PRDM5: variants seen among roughly 807,000 people sequenced by gnomAD.
The protein encoded by PRDM5 is PR/SET domain 5.
Under a neutral mutation model 81.2 loss-of-function variants are expected in PRDM5, and 56 were observed. That is an observed-to-expected ratio of 0.69 (90% confidence interval 0.56 to 0.86). PRDM5 has a LOEUF of 0.86. Ranked by LOEUF, PRDM5 falls within the 40% of genes least tolerant of loss-of-function variation. PRDM5 has a pLI of 0.00. For synonymous variants in PRDM5, 267 were observed against 256.4 expected, an observed-to-expected ratio of 1.04 and a Z score of -0.39; for missense variants, 697 against 770.1, an observed-to-expected ratio of 0.91 and a Z score of 1.12.
At chr4:120,690,739 G>C (rs1578552896), downstream of PRDM5, among the ~76,000 whole-genome samples, 1 of 151,950 alleles carries the variant, frequency 6.6e-6, no homozygotes, top group African/African-American at 2.4e-5. Flanking sequence ...GATATTTTTT[G>C]AATTTTTTAA....
chr4:120,922,616 G>C lies in PRDM5; in HGVS notation c.-8C>G, dbSNP rs1725112986. 6.3e-7 allele frequency: 1 copy of C among 1,583,222 alleles called. No homozygotes were observed. The highest frequency in any genetic ancestry group is 8.6e-7 in the Non-Finnish European group (1 of 1,166,856). On this transcript the variant is annotated 5_prime_UTR_variant, in exon 1 of 16. Coordinates refer to ENST00000264808, the MANE Select transcript of PRDM5 (RefSeq NM_018699.4). The stretch of plus-strand genomic sequence containing the variant: ...CACGTACATGCCCAGCATTTTCCCG[G>C]GCGCGGCGGCCGCCGCCTCTCTCAA...
chr4:120,891,885 C>T (rs973007833), intron 2 of PRDM5, among the ~76,000 whole-genome samples: 2 of 152,180 alleles, frequency 1.3e-5, no homozygotes, highest in Non-Finnish European at 2.9e-5. Context: ...CTGCCTCGGT[C>T]TCCCAAAGTA....
At chr4:120,917,811 G>A (rs1447736474) in intron 1 of PRDM5, among the ~76,000 whole-genome samples, 2 of 151,954 alleles carry the variant, frequency 1.3e-5, no homozygotes, top group Non-Finnish European at 2.9e-5. Context: ...TTAAAAGTGT[G>A]CATGTGTTTG....
chr4:120,869,416 A>G (rs1202661084), intron 2 of PRDM5, among the ~76,000 whole-genome samples: 1 of 152,224 alleles, frequency 6.6e-6, no homozygotes, highest in African/African-American at 2.4e-5. Context: ...TACAATACCT[A>G]ACTTTTAAAA....
At chr4:120,873,480 T>C (rs1438883806) in intron 2 of PRDM5, among the ~76,000 whole-genome samples, 3 of 152,360 alleles carry the variant, frequency 2.0e-5, no homozygotes, top group Non-Finnish European at 4.4e-5. Context: ...CGGCTATAAG[T>C]GGCCAACTAT....
chr4:120,884,464 C>CATTA (rs1423404720), intron 2 of PRDM5, among the ~76,000 whole-genome samples: 7 of 152,238 alleles, frequency 4.6e-5, no homozygotes, highest in African/African-American at 1.2e-4. Context: ...AAAACACTTT[C>CATTA]ATTAAGTATG....
chr4:120,850,160 G>A (rs1759101115), intron 3 of PRDM5, among the ~76,000 whole-genome samples: 1 of 151,944 alleles, frequency 6.6e-6, no homozygotes, highest in Non-Finnish European at 1.5e-5. Context: ...AAGTATTGAC[G>A]TTTTCCACCG....
chr4:120,896,991 G>GTT (rs796413674), intron 2 of PRDM5: 67 of 138,804 alleles, frequency 4.8e-4, no homozygotes, highest in African/African-American at 7.1e-4. Context: ...CCTTCCTATA[G>GTT]TTTTTTTTTT....
At chr4:120,873,959 GT>G (rs896483815) in intron 2 of PRDM5, among the ~76,000 whole-genome samples, 6 of 151,964 alleles carry the variant, frequency 3.9e-5, no homozygotes, top group African/African-American at 9.7e-5. Flanking sequence ...TGTTTATCCA[GT>G]TTTTTTATTT....
exon 2 of PRDM5, chr4:120,684,978 C>A (rs972499621): frequency 6.6e-6 from 1 of 151,874 alleles, no homozygotes; most frequent in Non-Finnish European, 1.5e-5. Context: ...TGACAAATTT[C>A]GGTTTCTTAA....
intron 3 of PRDM5, among the ~76,000 whole-genome samples, chr4:120,824,517 T>C (rs554520057): frequency 1.3e-5 from 2 of 152,326 alleles, no homozygotes; most frequent in African/African-American, 4.8e-5. Context: ...AAAGCAAATA[T>C]TCCCCAGCCA....
At chr4:120,774,666 C>T (rs1256004707) in intron 13 of PRDM5, among the ~76,000 whole-genome samples, 1 of 152,146 alleles carries the variant, frequency 6.6e-6, no homozygotes, top group Admixed American at 6.6e-5. Context: ...TCCAACACAA[C>T]CCCAGCCACA....
downstream of PRDM5, among the ~76,000 whole-genome samples, chr4:120,688,501 T>G (rs1733916563): frequency 6.6e-6 from 1 of 152,186 alleles, no homozygotes; most frequent in Non-Finnish European, 1.5e-5. Context: ...TTTGTCTATT[T>G]TTGCTTTTGT....
At chr4:120,727,659 G>A (rs1207733693) in intron 14 of PRDM5, among the ~76,000 whole-genome samples, 1 of 152,172 alleles carries the variant, frequency 6.6e-6, no homozygotes, top group Non-Finnish European at 1.5e-5. Context: ...TGAAGGGCCA[G>A]GCACGGTGGC....
chr4:120,793,459 G>A (rs1263451158), intron 10 of PRDM5, among the ~76,000 whole-genome samples: 2 of 152,248 alleles, frequency 1.3e-5, no homozygotes, highest in East Asian at 3.9e-4. Context: ...TGATGCACTT[G>A]AATCATCCCA....
rs922687493 is a variant in PRDM5, at chr4:120,807,932, C to T, written c.945+3438G>A. ...TCAGAAGTGAAGCTGCAGACCTTCG[C>T]GGTGAGTGTTACAGTTCTTAAAGGC... On this transcript the variant is annotated intron_variant, in intron 8 of 15. Transcript: ENST00000264808. Among the ~76,000 whole-genome samples the T allele has an allele frequency of 5.3e-5, 8 of 152,140 alleles. No individual in the cohort carries two copies. The South Asian group carries it at 8.3e-4, about 16-fold the overall frequency.
At chr4:120,841,486 T>C (rs932668978) in intron 3 of PRDM5, among the ~76,000 whole-genome samples, 3 of 152,254 alleles carry the variant, frequency 2.0e-5, no homozygotes, top group Non-Finnish European at 4.4e-5. Context: ...TTTTGTGTTG[T>C]ATCCATTACA....
At chr4:120,795,093 A>G (rs764462416) in intron 10 of PRDM5, among the ~76,000 whole-genome samples, 7 of 152,200 alleles carry the variant, frequency 4.6e-5, no homozygotes, top group Non-Finnish European at 1.0e-4. Context: ...CTAAAGTTTC[A>G]TCCCTGGAAG....
At position 120,832,638 on chromosome 4, in the gene PRDM5, G is replaced by A. The variant is rs370966435; in HGVS notation, c.301-11293C>T. On this transcript the variant is annotated intron_variant, in intron 3 of 15. Transcript: ENST00000264808. ...ACCTCAGTACCTGATGTGACACTTT[G>A]CTCACTGAAGGCTATCAACAAAGTA... Among the ~76,000 whole-genome samples the A allele has an allele frequency of 7.2e-4, 109 of 152,170 alleles. 2 individuals carry two copies. The highest frequency in any genetic ancestry group is 2.6e-3 in the African/African-American group (106 of 41,510).
Sources: allele counts gnomAD v4.1 joint callset (sites outside exome capture counted in the v4.1 genomes callset), GRCh38; gene constraint gnomAD v4.1.1; transcripts MANE v1.5; gene names NCBI Gene and HGNC (gene_info 2026-07-23, HGNC 2026-07-21).